UMAD1: variants seen among roughly 807,000 people sequenced by gnomAD.
UMAD1 encodes the protein UBAP1-MVB12-associated (UMA) domain containing 1.
A neutral mutation model predicts 6.1 loss-of-function variants in UMAD1; 8 were observed. The observed-to-expected ratio is 1.30, with a 90% CI of 0.76 to 2.35. The LOEUF is 2.35. Ranked by LOEUF, UMAD1 falls within the 30% of genes most tolerant of loss-of-function variation. The pLI, the probability that UMAD1 is intolerant of heterozygous loss-of-function variation, is 0.00. For synonymous variants in UMAD1, 56 were observed against 31.4 expected, an observed-to-expected ratio of 1.78 and a Z score of -2.61; for missense variants, 130 against 78.4, an observed-to-expected ratio of 1.66 and a Z score of -2.49.
intron 2 of UMAD1, chr7:7,742,602 G>A (rs553505921): frequency 4.1e-6 from 2 of 482,784 alleles, no homozygotes; most frequent in Admixed American, 5.1e-5. Context: ...AAGGATTAAA[G>A]GATGAATGCT....
At chr7:7,677,996 A>G (rs547806091) in intron 2 of UMAD1, among the ~76,000 whole-genome samples, 2 of 152,266 alleles carry the variant, frequency 1.3e-5, no homozygotes, top group Non-Finnish European at 2.9e-5. Context: ...GTTGATGGAG[A>G]CACTTAGGTT....
chr7:7,782,874 T>A (rs1194549102), intron 2 of UMAD1, among the ~76,000 whole-genome samples: 2 of 152,038 alleles, frequency 1.3e-5, no homozygotes, highest in African/African-American at 4.8e-5. Context: ...GGACTACAGA[T>A]GCACGCCACC....
At chr7:7,653,759 G>C (rs1020646860) in intron 1 of UMAD1, among the ~76,000 whole-genome samples, 1 of 152,164 alleles carries the variant, frequency 6.6e-6, no homozygotes, top group Non-Finnish European at 1.5e-5. Flanking sequence ...TAATGTCTTG[G>C]TTCTCCACCA....
At chr7:7,680,209 G>C (rs906612348) in intron 2 of UMAD1, among the ~76,000 whole-genome samples, 1 of 152,030 alleles carries the variant, frequency 6.6e-6, no homozygotes, top group Non-Finnish European at 1.5e-5. Flanking sequence ...ATTTTGATTT[G>C]ATTTTTGTAT....
At chr7:7,706,738 C>T (rs553037474) in intron 2 of UMAD1, among the ~76,000 whole-genome samples, 21 of 152,230 alleles carry the variant, frequency 1.4e-4, no homozygotes, top group African/African-American at 2.2e-4. Context: ...CGTAAGAGTG[C>T]GTGGTTAGTA....
chr7:7,643,713 AAAAAAAAAAAAACAAACAAACG>A (rs1426968623), intron 1 of UMAD1, among the ~76,000 whole-genome samples: 1 of 53,936 alleles, frequency 1.9e-5, no homozygotes, highest in Non-Finnish European at 3.8e-5. Context: ...CTCCCTCTCA[AAAAAAAAAAAAACAAACAAACG>A]AAAAAAAAAG....
chr7:7,835,772 T>C (rs1783557919), intron 3 of UMAD1, among the ~76,000 whole-genome samples: 1 of 151,988 alleles, frequency 6.6e-6, no homozygotes, highest in African/African-American at 2.4e-5. Context: ...AGTTATCTTA[T>C]TTTAGGTTTT....
At chr7:7,868,731 A>G (rs1350764847) in intron 3 of UMAD1, 2 of 152,226 alleles carry the variant, frequency 1.3e-5, no homozygotes, top group African/African-American at 4.8e-5. Context: ...CTTCTAGGCA[A>G]AACTAACACC....
intron 1 of UMAD1, among the ~76,000 whole-genome samples, chr7:7,642,060 C>T (rs1277421242): frequency 1.3e-5 from 2 of 152,112 alleles, no homozygotes; most frequent in Non-Finnish European, 2.9e-5. Flanking sequence ...AGCTTTAAGT[C>T]TTTTGTACTT....
intron 2 of UMAD1, among the ~76,000 whole-genome samples, chr7:7,761,240 C>A (rs73050098): frequency 6.6e-6 from 1 of 151,982 alleles, no homozygotes; most frequent in Non-Finnish European, 1.5e-5. Flanking sequence ...TGGTATGTGC[C>A]TGTGGTCCCA....
intron 2 of UMAD1, among the ~76,000 whole-genome samples, chr7:7,721,288 C>G (rs929580637): frequency 6.6e-6 from 1 of 152,144 alleles, no homozygotes; most frequent in Non-Finnish European, 1.5e-5. Context: ...GTATGTGAAT[C>G]TCTTTTTCTG....
At position 7,831,920 on chromosome 7, in the gene UMAD1, GATA is replaced by G. The variant is rs1783474531; in HGVS notation, c.156+30178_156+30180del. The stretch of plus-strand genomic sequence containing the variant: ...ACTTCTTTCTTTGTGGCCAGATGTG[GATA>G]CAATTAACCCTTTACCCTTTATTTT... On this transcript the variant is annotated intron_variant, in intron 3 of 3. Coordinates refer to ENST00000682710, the MANE Select transcript of UMAD1 (RefSeq NM_001302348.2). Among the ~76,000 whole-genome samples, 4 of 152,236 alleles carry G rather than the reference GATA, an allele frequency of 2.6e-5. No homozygotes were observed. The South Asian group carries it at 8.3e-4, about 32-fold the overall frequency.
chr7:7,761,681 G>A (rs538022832), intron 2 of UMAD1, among the ~76,000 whole-genome samples: 2 of 152,244 alleles, frequency 1.3e-5, no homozygotes, highest in East Asian at 3.9e-4. Flanking sequence ...GATTTATAAG[G>A]CAGAATCATT....
At chr7:7,756,550 G>T (rs921688242) in intron 2 of UMAD1, among the ~76,000 whole-genome samples, 3 of 152,108 alleles carry the variant, frequency 2.0e-5, no homozygotes, top group Non-Finnish European at 2.9e-5. Context: ...CTTTCTGGTG[G>T]CAAGATGGCT....
At chr7:7,696,840 CTT>C (rs113254851) in intron 2 of UMAD1, among the ~76,000 whole-genome samples, 1 of 146,838 alleles carries the variant, frequency 6.8e-6, no homozygotes, top group Admixed American at 6.8e-5. Flanking sequence ...CTTTCTTCTT[CTT>C]TTTTTTTTTA....
chr7:7,807,521 G>T (rs1339922597), intron 3 of UMAD1, among the ~76,000 whole-genome samples: 1 of 151,966 alleles, frequency 6.6e-6, no homozygotes, highest in Admixed American at 6.6e-5. Context: ...TTCATTACAC[G>T]TCATAGCCCA....
At chr7:7,755,111 A>G (rs1189707685) in intron 2 of UMAD1, among the ~76,000 whole-genome samples, 2 of 152,190 alleles carry the variant, frequency 1.3e-5, no homozygotes, top group Non-Finnish European at 2.9e-5. Flanking sequence ...TCCACATCGA[A>G]TGCCTGCCTT....
chr7:7,700,910 C>T (rs963872348), intron 2 of UMAD1, among the ~76,000 whole-genome samples: 6 of 152,088 alleles, frequency 3.9e-5, no homozygotes, highest in African/African-American at 1.2e-4. Context: ...AAATGCCAGG[C>T]ATGGTGGTGC....
chr7:7,782,719 G>C (rs1236836839), intron 2 of UMAD1, among the ~76,000 whole-genome samples: 1 of 149,424 alleles, frequency 6.7e-6, no homozygotes, highest in Non-Finnish European at 1.5e-5. Context: ...AGAATGTCTT[G>C]TGTATAACCT....
Sources: gnomAD v4.1 joint callset for allele counts (sites outside exome capture counted in the v4.1 genomes callset) on GRCh38, gnomAD v4.1.1 for gene constraint, MANE v1.5 for transcripts, NCBI Gene and HGNC (gene_info 2026-07-23, HGNC 2026-07-21) for gene names.